The following TNFSF8 variants were observed in gnomAD, a reference collection of about 807,000 sequenced individuals.
The protein encoded by TNFSF8 is TNF superfamily member 8.
Under a neutral mutation model 22.0 loss-of-function variants are expected in TNFSF8, and 4 were observed. That is an observed-to-expected ratio of 0.18 (90% CI 0.09 to 0.42). The LOEUF (loss-of-function observed/expected upper bound fraction) is 0.42. Ranked by LOEUF, TNFSF8 falls within the 10% of genes least tolerant of loss-of-function variation. The pLI is 1.00. For synonymous variants in TNFSF8, 106 were observed against 112.5 expected, an observed-to-expected ratio of 0.94 and a Z score of 0.37; for missense variants, 233 against 281.8, an observed-to-expected ratio of 0.83 and a Z score of 1.24.
Position 114,930,240 on chromosome 9 carries a change from C to T in TNFSF8, c.64G>A (p.Val22Met), listed in dbSNP as rs1828123414. ...MAPPGDTAMH[V>M]PAGSVASHLG... ...TGGCTGGCCACGGAGCCCGCCGGCA[C>T]ATGCATGGCTGTGTCTCCAGGAGGG... The change falls in exon 1 of 4, where the codon GTG becomes ATG. Residue 22 changes from valine (V) to methionine (M), a missense_variant. Val to Met is a conservative substitution (Grantham distance 21). Coordinates refer to ENST00000223795, the MANE Select transcript of TNFSF8 (RefSeq NM_001244.4). 1.2e-6 allele frequency: 2 copies of T among 1,606,820 alleles called. No individual in the cohort carries two copies. Among genetic ancestry groups the T allele is most frequent in the African/African-American group, 1.3e-5 (1 of 74,470 alleles).
intron 2 of TNFSF8, among the ~76,000 whole-genome samples, chr9:114,911,099 A>G (rs570858219): frequency 1.3e-5 from 2 of 152,360 alleles, no homozygotes; most frequent in African/African-American, 4.8e-5. Flanking sequence ...CTTTGTTGTT[A>G]TAGTGGCACA....
chr9:114,896,723 G>T (rs752212002), downstream of TNFSF8, among the ~76,000 whole-genome samples: 5 of 152,248 alleles, frequency 3.3e-5, no homozygotes, highest in South Asian at 4.1e-4. Flanking sequence ...GATAGGAAGG[G>T]TGATGGATTC....
chr9:114,896,266 G>C (rs1366527419), downstream of TNFSF8, among the ~76,000 whole-genome samples: 1 of 152,132 alleles, frequency 6.6e-6, no homozygotes, highest in Non-Finnish European at 1.5e-5. Context: ...TTTTTAACAA[G>C]CTCTCTGGTG....
At chr9:114,908,365 G>A (rs560883562) in intron 2 of TNFSF8, among the ~76,000 whole-genome samples, 79 of 152,290 alleles carry the variant, frequency 5.2e-4, no homozygotes, top group African/African-American at 1.8e-3. Flanking sequence ...ATAACACAGG[G>A]CCTCATTCTC....
intron 2 of TNFSF8, among the ~76,000 whole-genome samples, chr9:114,916,618 C>T (rs569952080): frequency 6.6e-6 from 1 of 152,290 alleles, no homozygotes; most frequent in Admixed American, 6.5e-5. Flanking sequence ...TCCGTGTGAA[C>T]GTGCATTACA....
At chr9:114,895,181 C>T (rs1289296082) in intron 4 of TNFSF8, among the ~76,000 whole-genome samples, 1 of 152,166 alleles carries the variant, frequency 6.6e-6, no homozygotes, top group Admixed American at 6.5e-5. Context: ...CTGGTAATTC[C>T]CTCTTCCTGT....
intron 1 of TNFSF8, among the ~76,000 whole-genome samples, chr9:114,927,838 T>G (rs552850974): frequency 6.6e-6 from 1 of 152,316 alleles, no homozygotes; most frequent in East Asian, 1.9e-4. Context: ...TTTCTCCCAT[T>G]GATTTCTTTC....
intron 2 of TNFSF8, among the ~76,000 whole-genome samples, chr9:114,916,134 A>C (rs1476921728): frequency 6.6e-6 from 1 of 152,236 alleles, no homozygotes; most frequent in African/African-American, 2.4e-5. Context: ...CTGGCAAAAA[A>C]CAAGCCAACT....
intron 2 of TNFSF8, among the ~76,000 whole-genome samples, chr9:114,910,393 G>A (rs1827838462): frequency 2.0e-5 from 3 of 152,146 alleles, no homozygotes; most frequent in East Asian, 1.9e-4. Context: ...TAGGAGTGGC[G>A]AGACTACCCA....
intron 3 of TNFSF8, 55 bp from the exon 4 acceptor site, chr9:114,904,380 G>C: frequency 6.5e-7 from 1 of 1,530,218 alleles, no homozygotes; most frequent in Non-Finnish European, 8.7e-7. Flanking sequence ...GGTACGCATT[G>C]CAAAATTCTA....
intron 4 of TNFSF8, among the ~76,000 whole-genome samples, chr9:114,895,334 G>A (rs1367453983): frequency 6.6e-6 from 1 of 152,200 alleles, no homozygotes; most frequent in African/African-American, 2.4e-5. Flanking sequence ...TGCAATCAGT[G>A]CTGCTTCTAG....
In TNFSF8 at chr9:114,930,123, C is replaced by T; in HGVS notation, c.181G>A (p.Val61Ile). 1.3e-6 allele frequency: 2 copies of T among 1,518,758 alleles called. No homozygotes were observed. The highest frequency in any genetic ancestry group is 1.8e-4 in the Middle Eastern group (1 of 5,698). The allele number at this position is 1,518,758 out of a possible 1,614,324, so 94.1% of individuals were successfully genotyped here. ...VFTVATIMVLVVQRTDSIPNS... is the reference protein window; with the variant it reads ...VFTVATIMVLIVQRTDSIPNS... The stretch of plus-strand genomic sequence containing the variant: ...AGTCCACTTACCGTCCTCTGAACGA[C>T]CAACACCATAATAGTGGCCACCGTG... Residue 61 changes from valine to isoleucine, a missense_variant, in exon 1 of 4, where the codon GTC becomes ATC. Coordinates refer to ENST00000223795, the MANE Select transcript of TNFSF8 (RefSeq NM_001244.4).
chr9:114,902,792 C>T lies in TNFSF8; in HGVS notation c.*1139G>A, dbSNP rs766192534. 5 of 979,172 alleles carry T rather than the reference C, an allele frequency of 5.1e-6. No individual in the cohort carries two copies. The highest frequency in any genetic ancestry group is 6.1e-6 in the Non-Finnish European group (5 of 824,388). The allele number at this position is 979,172 out of a possible 1,614,324, so 60.7% of individuals were successfully genotyped here. On this transcript the variant is annotated 3_prime_UTR_variant, in exon 4 of 4. Coordinates refer to ENST00000223795, the MANE Select transcript of TNFSF8 (RefSeq NM_001244.4). ...GGTTTTGAAGCAATTCAAACCCAGT[C>T]CTTTCATTTTCTAGACTTGGATCCT...
exon 5 of TNFSF8, chr9:114,893,524 T>TAGTGGTGTAAACTTTAAAGCAC (rs1363308100): frequency 6.4e-6 from 1 of 156,370 alleles, no homozygotes; most frequent in East Asian, 1.9e-4. Context: ...TTTGAAAGAA[T>TAGTGGTGTAAACTTTAAAGCAC]AGTGGTGTAA....
At chr9:114,909,012 C>T (rs1321790944) in intron 2 of TNFSF8, among the ~76,000 whole-genome samples, 1 of 152,174 alleles carries the variant, frequency 6.6e-6, no homozygotes, top group African/African-American at 2.4e-5. Flanking sequence ...CCCCATTTCT[C>T]AGATGCAGCA....
intron 1 of TNFSF8, among the ~76,000 whole-genome samples, chr9:114,925,077 G>T (rs907982029): frequency 4.6e-5 from 7 of 152,198 alleles, no homozygotes; most frequent in Non-Finnish European, 7.3e-5. Context: ...GGCTAAAGAA[G>T]AGGTGTAGAG....
intron 4 of TNFSF8, among the ~76,000 whole-genome samples, chr9:114,894,789 A>C (rs1827640520): frequency 6.6e-6 from 1 of 152,234 alleles, no homozygotes; most frequent in South Asian, 2.1e-4. Flanking sequence ...AAAGTAATGA[A>C]TGAGGAGGAT....
intron 2 of TNFSF8, among the ~76,000 whole-genome samples, chr9:114,917,846 T>A (rs758794858): frequency 2.0e-5 from 3 of 152,188 alleles, no homozygotes; most frequent in Non-Finnish European, 4.4e-5. Flanking sequence ...GTCCTGCCTA[T>A]GCCAGAGGTA....
At chr9:114,894,949 G>A (rs544214078) in intron 4 of TNFSF8, among the ~76,000 whole-genome samples, 2 of 152,226 alleles carry the variant, frequency 1.3e-5, no homozygotes, top group South Asian at 4.2e-4. Flanking sequence ...CTTGAGTACT[G>A]TGCCATGCGC....
Sources: gnomAD v4.1 joint callset for allele counts (sites outside exome capture counted in the v4.1 genomes callset) on GRCh38, gnomAD v4.1.1 for gene constraint, MANE v1.5 for transcripts, NCBI Gene and HGNC (gene_info 2026-07-23, HGNC 2026-07-21) for gene names.